PPFIBP1: variants seen among roughly 807,000 people sequenced by gnomAD.
The protein encoded by PPFIBP1 is PPFIB scaffold protein 1, also known as liprin-beta-1.
Under a neutral mutation model 137.8 loss-of-function variants are expected in PPFIBP1, and 112 were observed. That is an observed-to-expected ratio of 0.81 (90% CI 0.70 to 0.95). The LOEUF (loss-of-function observed/expected upper bound fraction) is 0.95, where lower values mean the gene tolerates loss of function less well. PPFIBP1 is among the 40% of genes least tolerant of loss of function. PPFIBP1 has a pLI of 0.00. For missense variants in PPFIBP1, 1,083 were observed against 1,196.6 expected (o/e 0.91, Z 1.40); for synonymous variants, 378 against 417.3 (o/e 0.91, Z 1.15).
chr12:27,560,560 G>A (rs1232733567), intron 1 of PPFIBP1, among the ~76,000 whole-genome samples: 1 of 152,226 alleles, frequency 6.6e-6, no homozygotes, highest in East Asian at 1.9e-4. Flanking sequence ...GGCTGCATCT[G>A]TGCTTAGAGG....
intron 25 of PPFIBP1, among the ~76,000 whole-genome samples, chr12:27,687,958 G>A (rs933966937): frequency 2.0e-5 from 3 of 152,004 alleles, no homozygotes; most frequent in Admixed American, 1.3e-4. Flanking sequence ...GTGGGTGCAC[G>A]CTGGTGGTCC....
intron 22 of PPFIBP1, 50 bp from the exon 23 acceptor site, chr12:27,682,337 G>A (rs373343562): frequency 2.7e-5 from 35 of 1,300,506 alleles, no homozygotes; most frequent in African/African-American, 4.4e-5. Flanking sequence ...TTTGCCAGTG[G>A]CACCCAGCCT....
intron 1 of PPFIBP1, among the ~76,000 whole-genome samples, chr12:27,539,511 A>T (rs1462490410): frequency 6.6e-6 from 1 of 152,190 alleles, no homozygotes; most frequent in East Asian, 1.9e-4. Context: ...ACCTGTTTTG[A>T]TACGTGAGAC....
intron 2 of PPFIBP1, among the ~76,000 whole-genome samples, chr12:27,590,969 A>G (rs2052434488): frequency 6.6e-6 from 1 of 152,120 alleles, no homozygotes; most frequent in Non-Finnish European, 1.5e-5. Context: ...CCCTTGCTGA[A>G]TGGATTATTA....
intron 25 of PPFIBP1, 137 bp from the exon 26 acceptor site, chr12:27,688,161 C>G: frequency 9.9e-7 from 1 of 1,005,762 alleles, no homozygotes; most frequent in South Asian, 1.7e-5. Context: ...CAAACTATGA[C>G]AGAAATTCTT....
At chr12:27,543,050 A>C (rs1328445918) in intron 1 of PPFIBP1, among the ~76,000 whole-genome samples, 1 of 152,146 alleles carries the variant, frequency 6.6e-6, no homozygotes, top group Non-Finnish European at 1.5e-5. Flanking sequence ...TTGCTAAGTA[A>C]ATTTTTATTT....
chr12:27,549,709 G>A (rs1946576218), intron 1 of PPFIBP1, among the ~76,000 whole-genome samples: 1 of 152,162 alleles, frequency 6.6e-6, no homozygotes, highest in African/African-American at 2.4e-5. Flanking sequence ...TTGCCGGTTA[G>A]GACCAGCTGG....
At chr12:27,603,555 C>T (rs2162028) in intron 2 of PPFIBP1, among the ~76,000 whole-genome samples, 45,261 of 152,118 alleles carry the variant, frequency 0.3, 7,106 homozygotes, top group South Asian at 0.46. Flanking sequence ...GGATTGGAGC[C>T]TCCACCAGGG....
intron 11 of PPFIBP1, among the ~76,000 whole-genome samples, chr12:27,661,432 T>TAACG (rs2059542470): frequency 6.6e-6 from 1 of 151,726 alleles, no homozygotes; most frequent in Non-Finnish European, 1.5e-5. Context: ...GGCATGGGCT[T>TAACG]TACGTTAGCT....
At chr12:27,662,496 G>A (rs2059614399) in intron 11 of PPFIBP1, among the ~76,000 whole-genome samples, 1 of 152,232 alleles carries the variant, frequency 6.6e-6, no homozygotes, top group Non-Finnish European at 1.5e-5. Context: ...GAGAAATGAA[G>A]AGGGCTTGAA....
intron 11 of PPFIBP1, among the ~76,000 whole-genome samples, chr12:27,663,409 AATGGGGGTT>A (rs1350930566): frequency 6.6e-6 from 1 of 152,132 alleles, no homozygotes; most frequent in Non-Finnish European, 1.5e-5. Flanking sequence ...CCAAGAAGAT[AATGGGGGTT>A]ATGGAAGTTC....
chr12:27,648,069 T>C lies in PPFIBP1; in HGVS notation c.471+227T>C, dbSNP rs2058650532. ...ACAAAATGTCAATAGGATTGTGGCT[T>C]ATTTTAATTTTCTTTTTTTGCATTC... On this transcript the variant is annotated intron_variant, in intron 6 of 29. Transcript: ENST00000228425. 3.7e-5 allele frequency: 19 copies of C among 507,630 alleles called. No homozygotes were observed. The East Asian group carries it at 6.7e-4, about 18-fold the overall frequency. 31.4% of individuals were successfully genotyped at this position (507,630 alleles called of 1,614,324 possible). A position where few individuals can be genotyped will look rare whatever the true frequency, so the allele number is the denominator to read the frequency against.
At chr12:27,584,090 A>G (rs2051423324) in intron 2 of PPFIBP1, 1 of 152,250 alleles carries the variant, frequency 6.6e-6, no homozygotes, top group African/African-American at 2.4e-5. Flanking sequence ...CAACTGATCA[A>G]TACACAACCT....
intron 27 of PPFIBP1, among the ~76,000 whole-genome samples, chr12:27,690,373 A>G (rs2061458408): frequency 6.6e-6 from 1 of 152,176 alleles, no homozygotes; most frequent in Admixed American, 6.5e-5. Flanking sequence ...AAGAGAATGC[A>G]CCCAGATAGC....
At chr12:27,648,255 C>T (rs748661225) in intron 6 of PPFIBP1, among the ~76,000 whole-genome samples, 4 of 152,160 alleles carry the variant, frequency 2.6e-5, no homozygotes, top group Admixed American at 6.5e-5. Flanking sequence ...AGGTGCTCAA[C>T]ATCATTGCTC....
Position 27,672,466 on chromosome 12 carries a change from A to G in PPFIBP1, c.1302A>G (p.Gln434=), listed in dbSNP as rs749055701. The part of the protein sequence containing the change: ...NIILGATVDT[Q]LCDKLLTSSL... ...TCCTTGGTGCCACTGTTGATACCCA[A>G]CTGTGTGATAAACTTTTGTAAGTTA... is the stretch of plus-strand genomic sequence containing the variant. Residue 434 remains glutamine, a synonymous_variant, in exon 15 of 30, where the codon CAA becomes CAG. Coordinates refer to ENST00000228425, the MANE Select transcript of PPFIBP1 (RefSeq NM_003622.4). 6.2e-6 allele frequency: 10 copies of G among 1,608,034 alleles called. No homozygotes were observed. Among genetic ancestry groups the G allele is most frequent in the Non-Finnish European group, 8.5e-6 (10 of 1,174,978 alleles).
intron 2 of PPFIBP1, among the ~76,000 whole-genome samples, chr12:27,588,478 C>T (rs986544565): frequency 6.6e-6 from 1 of 152,162 alleles, no homozygotes; most frequent in African/African-American, 2.4e-5. Context: ...CCAAAAGACG[C>T]ATGACAGAAG....
chr12:27,585,150 G>T (rs1049206566), intron 2 of PPFIBP1, among the ~76,000 whole-genome samples: 13 of 152,318 alleles, frequency 8.5e-5, no homozygotes, highest in African/African-American at 3.1e-4. Flanking sequence ...TTCATTAAAT[G>T]AATTTGAATG....
chr12:27,553,411 G>A (rs916590656), intron 1 of PPFIBP1, among the ~76,000 whole-genome samples: 12 of 152,094 alleles, frequency 7.9e-5, no homozygotes, highest in Admixed American at 5.2e-4. Context: ...CCCCTGCCCC[G>A]CAGGAGCCAA....
Sources: allele counts gnomAD v4.1 joint callset (sites outside exome capture counted in the v4.1 genomes callset), GRCh38; gene constraint gnomAD v4.1.1; transcripts MANE v1.5; gene names NCBI Gene and HGNC (gene_info 2026-07-23, HGNC 2026-07-21).